Variants in ZNF254 observed in about 807,000 individuals in gnomAD.
ZNF254 encodes CTD-2017D11.1.
Under a neutral mutation model 12.4 loss-of-function variants are expected in ZNF254, and 10 were observed. The ratio of observed to expected loss-of-function variants is 0.80; its 90% confidence interval spans 0.50 to 1.36. The LOEUF (loss-of-function observed/expected upper bound fraction) is 1.36, where lower values mean the gene tolerates loss of function less well. Among genes scored for constraint, ZNF254 ranks in the 40% most tolerant of loss-of-function variants. ZNF254 has a pLI of 0.00. For synonymous variants in ZNF254, 305 were observed against 253.4 expected (o/e 1.20, Z -1.93); for missense variants, 996 against 763.9 (o/e 1.30, Z -3.58).
chr19:24,085,425 T>TATATATATATATATATATATATATATAA (rs1419273967), upstream of ZNF254, among the ~76,000 whole-genome samples: 27 of 134,954 alleles, frequency 2.0e-4, 1 homozygote, highest in Non-Finnish European at 3.0e-4. Context: ...TATATATATA[T>TATATATATATATATATATATATATATAA]AAAAACTAAG....
rs372658491 is a variant in ZNF254 at position 24,045,601 on chromosome 19, G to A, written c.-189-583G>A. 7.0e-4 allele frequency among the ~76,000 whole-genome samples: 106 copies of A among 151,002 alleles called. No individual in the cohort carries two copies. The South Asian group carries it at 0.022, about 31-fold the overall frequency. On this transcript the variant is annotated intron_variant, in intron 1 of 4. Transcript: ENST00000613065. ...GAGAATGGCGTGACCCCGGGACGCGGAGGTTGCAGTGAGCTGAGATCGCGC... is the reference window on the plus strand; with the variant it reads ...GAGAATGGCGTGACCCCGGGACGCGAAGGTTGCAGTGAGCTGAGATCGCGC...
Position 24,120,152 on chromosome 19 carries a change from C to T in ZNF254, c.254-6102C>T, listed in dbSNP as rs142529161. 5.7e-3 allele frequency among the ~76,000 whole-genome samples: 873 copies of T among 152,156 alleles called. 10 individuals carry two copies. Among genetic ancestry groups the T allele is most frequent in the African/African-American group, 0.019 (808 of 41,520 alleles). ...GGTGGCAGACAAAAGAAAGAGCTTGCGCAGGAAAACTGCCTTATAAAGCCT... is the reference window on the plus strand; with the variant it reads ...GGTGGCAGACAAAAGAAAGAGCTTGTGCAGGAAAACTGCCTTATAAAGCCT... On this transcript the variant is annotated intron_variant, in intron 3 of 3. Coordinates refer to ENST00000357002, the MANE Select transcript of ZNF254 (RefSeq NM_203282.4).
chr19:24,048,813 C>T (rs986720504), intron 2 of ZNF254: 17 of 152,280 alleles, frequency 1.1e-4, no homozygotes, highest in Middle Eastern at 3.4e-3. Context: ...ACTACAGCCT[C>T]GACCTCCCTG....
chr19:24,107,877 C>A (rs974689112), intron 3 of ZNF254, among the ~76,000 whole-genome samples: 1 of 152,122 alleles, frequency 6.6e-6, no homozygotes, highest in East Asian at 1.9e-4. Context: ...TGTAGCTTGG[C>A]CTTAAGGCTG....
intron 2 of ZNF254, among the ~76,000 whole-genome samples, chr19:24,046,603 A>G (rs191162104): frequency 1.3e-5 from 2 of 152,134 alleles, no homozygotes; most frequent in Non-Finnish European, 2.9e-5. Flanking sequence ...AGGTTAAGTC[A>G]ATAAAAGTGG....
At chr19:24,070,572 A>G (rs1031002577) in intron 2 of ZNF254, among the ~76,000 whole-genome samples, 2 of 152,150 alleles carry the variant, frequency 1.3e-5, no homozygotes, top group African/African-American at 2.4e-5. Context: ...GAATTCATCC[A>G]TATTGAGATT....
At chr19:24,073,951 G>A (rs1193116557) in intron 2 of ZNF254, among the ~76,000 whole-genome samples, 1 of 152,120 alleles carries the variant, frequency 6.6e-6, no homozygotes, top group Non-Finnish European at 1.5e-5. Context: ...CCTCCCTGGT[G>A]CCCAGCCCAC....
chr19:24,038,334 C>T lies in ZNF254; in HGVS notation c.-190+4713C>T, dbSNP rs138957961. On this transcript the variant is annotated intron_variant, in intron 1 of 4. Transcript: ENST00000613065. ...TAGCCAATTAGCAACCAAAGAAGACCTCCAATTTTTAGGTGAATTTAAGAT... is the reference window on the plus strand; with the variant it reads ...TAGCCAATTAGCAACCAAAGAAGACTTCCAATTTTTAGGTGAATTTAAGAT... 5.1e-3 allele frequency among the ~76,000 whole-genome samples: 776 copies of T among 152,174 alleles called. 6 individuals carry two copies. The highest frequency in any genetic ancestry group is 0.017 in the African/African-American group (686 of 41,494).
chr19:24,110,127 C>T (rs187597079), intron 3 of ZNF254, among the ~76,000 whole-genome samples: 186 of 152,088 alleles, frequency 1.2e-3, no homozygotes, highest in African/African-American at 4.1e-3. Flanking sequence ...TATGTATTTT[C>T]TTTGTGTGAG....
chr19:24,034,686 A>G (rs1216537165), intron 1 of ZNF254, among the ~76,000 whole-genome samples: 1 of 151,626 alleles, frequency 6.6e-6, no homozygotes. Context: ...CATTTTGGCC[A>G]GGCTGTTCTC....
At chr19:24,053,612 A>G (rs554719002) in intron 2 of ZNF254, among the ~76,000 whole-genome samples, 1 of 152,012 alleles carries the variant, frequency 6.6e-6, no homozygotes, top group African/African-American at 2.4e-5. Context: ...CTAAGAAGGG[A>G]TTGTAATATA....
At chr19:24,071,792 C>T (rs888750961) in intron 2 of ZNF254, among the ~76,000 whole-genome samples, 2 of 152,116 alleles carry the variant, frequency 1.3e-5, no homozygotes, top group African/African-American at 4.8e-5. Flanking sequence ...TCCTCTGCTT[C>T]TACAGGGTTC....
Position 24,126,606 on chromosome 19 carries a change from C to T in ZNF254, c.606C>T (p.Ser202=). 1 of 1,605,322 alleles carries T rather than the reference C, an allele frequency of 6.2e-7. No homozygotes were observed. The highest frequency in any genetic ancestry group is 1.1e-5 in the South Asian group (1 of 88,736). Residue 202 remains serine, a synonymous_variant, in exon 4 of 4, where the codon AGC becomes AGT. Coordinates refer to ENST00000357002, the MANE Select transcript of ZNF254 (RefSeq NM_203282.4). ...TTTCACATAAAACCCAACACAAAAG[C>T]ATTTATCATAGAGAGAAGTCCTACA... ...CMLSHKTQHK[S]IYHREKSYKC...
intron 1 of ZNF254, among the ~76,000 whole-genome samples, chr19:24,037,565 C>G (rs1444684277): frequency 6.6e-6 from 1 of 152,062 alleles, no homozygotes; most frequent in Non-Finnish European, 1.5e-5. Context: ...TCCCAAGTAG[C>G]TGAGATAACA....
intron 3 of ZNF254, among the ~76,000 whole-genome samples, chr19:24,124,773 CTT>C (rs1006240347): frequency 2.1e-5 from 3 of 140,984 alleles, no homozygotes; most frequent in Admixed American, 7.1e-5. Context: ...TTTTCTTTTT[CTT>C]TTTTTTTTTT....
intron 2 of ZNF254, among the ~76,000 whole-genome samples, chr19:24,081,731 G>A (rs895856747): frequency 1.3e-5 from 2 of 152,114 alleles, no homozygotes; most frequent in Admixed American, 6.5e-5. Flanking sequence ...CGTGTAAAGG[G>A]TTTAAATATT....
At chr19:24,055,087 C>T (rs1322380160) in intron 2 of ZNF254, among the ~76,000 whole-genome samples, 1 of 150,612 alleles carries the variant, frequency 6.6e-6, no homozygotes, top group Non-Finnish European at 1.5e-5. Context: ...CCTGTAATCC[C>T]AGCTACTTGG....
At chr19:24,085,427 A>ATATATAT (rs1369362234), upstream of ZNF254, among the ~76,000 whole-genome samples, 1,792 of 42,426 alleles carry the variant, frequency 0.042, 153 homozygotes, top group South Asian at 0.1. Flanking sequence ...TATATATATA[A>ATATATAT]AAACTAAGAT....
At chr19:24,057,607 C>T (rs1970909207) in intron 2 of ZNF254, among the ~76,000 whole-genome samples, 1 of 152,200 alleles carries the variant, frequency 6.6e-6, no homozygotes, top group African/African-American at 2.4e-5. Flanking sequence ...AAAGATTGTC[C>T]TCTTTTCACA....
Sources: gnomAD v4.1 joint callset for allele counts (sites outside exome capture counted in the v4.1 genomes callset) on GRCh38, gnomAD v4.1.1 for gene constraint, MANE v1.5 for transcripts, NCBI Gene and HGNC (gene_info 2026-07-23, HGNC 2026-07-21) for gene names.